The following PMS1 variants were observed in gnomAD, a reference collection of about 807,000 sequenced individuals.
PMS1 encodes PMS1 protein homolog 1.
In PMS1, 79 loss-of-function variants were observed where a neutral mutation model predicts 93.1. The observed-to-expected ratio is 0.85, with a 90% CI of 0.71 to 1.02. The LOEUF (loss-of-function observed/expected upper bound fraction) is 1.02. PMS1 is among the 50% of genes least tolerant of loss of function. The pLI, the probability that PMS1 is intolerant of heterozygous loss-of-function variation, is 0.00. For missense variants in PMS1, 1,064 were observed against 1,085.3 expected (o/e 0.98, Z 0.28); for synonymous variants, 335 against 363.4 (o/e 0.92, Z 0.89).
At chr2:189,818,686 T>G (rs2051542401) in intron 5 of PMS1, among the ~76,000 whole-genome samples, 1 of 152,242 alleles carries the variant, frequency 6.6e-6, no homozygotes, top group Admixed American at 6.5e-5. Context: ...ATTTGTTGCC[T>G]AATATCTATA....
rs774939385 is a variant in PMS1, at chr2:189,854,957, C to A, written c.1685C>A (p.Ala562Asp). 1.9e-6 allele frequency: 3 copies of A among 1,612,142 alleles called. No individual in the cohort carries two copies. In the South Asian group the frequency reaches 3.3e-5, roughly 18 times the overall value. Reference sequence around the variant, plus strand: ...GATAATAAATCTGGAAAAGTTACAGCTTATGATTTACTTAGCAATCGAGTA... The same window carrying A: ...GATAATAAATCTGGAAAAGTTACAGATTATGATTTACTTAGCAATCGAGTA... ...VIDNKSGKVT[A>D]YDLLSNRVIK... is the part of the protein sequence containing the mutation. Residue 562 changes from alanine (A) to aspartate (D), a missense_variant, in exon 9 of 13, where the codon GCT (alanine) becomes GAT (aspartate). By Grantham distance (126) the Ala-to-Asp change is moderately radical. Coordinates refer to ENST00000441310, the MANE Select transcript of PMS1 (RefSeq NM_000534.5).
chr2:189,795,545 C>T (rs529343710), intron 2 of PMS1, among the ~76,000 whole-genome samples: 133 of 152,234 alleles, frequency 8.7e-4, no homozygotes, highest in South Asian at 3.3e-3. Flanking sequence ...TCAGCCTAAC[C>T]TCCTTATTCA....
rs143804563 is a variant in PMS1, at chr2:189,815,221, C to G, written c.419-2796C>G. Among the ~76,000 whole-genome samples, 8 of 152,106 alleles carry G rather than the reference C, an allele frequency of 5.3e-5. No homozygotes were observed. In the South Asian group the frequency reaches 1.0e-3, roughly 20 times the overall value. ...AAACAATTCTGATGTCCTCTAGGAACAGAAGGAAGGACATCGGTAGGAGAG... is the reference window on the plus strand; with the variant it reads ...AAACAATTCTGATGTCCTCTAGGAAGAGAAGGAAGGACATCGGTAGGAGAG... On this transcript the variant is annotated intron_variant, in intron 4 of 12. Transcript: ENST00000441310.
intron 5 of PMS1, among the ~76,000 whole-genome samples, chr2:189,840,189 C>G (rs555924913): frequency 4.5e-4 from 68 of 152,104 alleles, no homozygotes; most frequent in African/African-American, 1.5e-3. Context: ...TCAGGCAGCC[C>G]CCAGAGCCAG....
chr2:189,825,108 A>G (rs1220421197), intron 5 of PMS1, among the ~76,000 whole-genome samples: 1 of 152,122 alleles, frequency 6.6e-6, no homozygotes, highest in Non-Finnish European at 1.5e-5. Flanking sequence ...CTTGGATTAG[A>G]TAGTGTTCTT....
chr2:189,788,055 G>C (rs555929838), intron 1 of PMS1, among the ~76,000 whole-genome samples: 2 of 151,344 alleles, frequency 1.3e-5, no homozygotes, highest in African/African-American at 4.9e-5. Context: ...CAATTATAGA[G>C]ATTTAAAAAA....
Position 189,848,759 on chromosome 2 carries a change from T to C in PMS1, c.700-3896T>C, listed in dbSNP as rs377241576. On this transcript the variant is annotated intron_variant, in intron 6 of 12. Coordinates refer to ENST00000441310, the MANE Select transcript of PMS1 (RefSeq NM_000534.5). ...ATCATCTAACCAAATCCCTCTTCTG[T>C]TATTGCACTGTGTGTCTAAGGTGTT... Among the ~76,000 whole-genome samples the C allele has an allele frequency of 1.6e-3, 237 of 152,298 alleles. 2 individuals carry two copies. In the Middle Eastern group the frequency reaches 0.034, roughly 22 times the overall value.
chr2:189,864,416 G>A, intron 10 of PMS1, 188 bp downstream of exon 10: 41 of 533,982 alleles, frequency 7.7e-5, no homozygotes, highest in Non-Finnish European at 1.3e-4. Context: ...CCAGCACTTT[G>A]GGAGGCCAAG....
chr2:189,818,056 C>G lies in PMS1; in HGVS notation c.458C>G (p.Pro153Arg), dbSNP rs977795053. 1 of 1,608,588 alleles carries G rather than the reference C, an allele frequency of 6.2e-7. No homozygotes were observed. Among genetic ancestry groups the G allele is most frequent in the Admixed American group, 1.7e-5 (1 of 59,918 alleles). Residue 153 changes from proline to arginine, a missense_variant, in exon 5 of 13, where the codon CCT becomes CGT. Pro to Arg is a moderately radical substitution (Grantham distance 103). Transcript: ENST00000441310. ...GCTTTAAGATTATTTAAGAATCTAC[C>G]TGTAAGAAAGCAGTTTTACTCAACT... ...VTALRLFKNLPVRKQFYSTAK... is the reference protein window; with the variant it reads ...VTALRLFKNLRVRKQFYSTAK...
At chr2:189,838,226 G>A (rs1387199163) in intron 5 of PMS1, among the ~76,000 whole-genome samples, 1 of 152,126 alleles carries the variant, frequency 6.6e-6, no homozygotes, top group East Asian at 1.9e-4. Flanking sequence ...CTTAGGTCAA[G>A]TAGTAGACAA....
In PMS1 at chr2:189,793,283, G is replaced by A. The variant is rs184715417; in HGVS notation, c.132+1342G>A. On this transcript the variant is annotated intron_variant, in intron 2 of 12. Coordinates refer to ENST00000441310, the MANE Select transcript of PMS1 (RefSeq NM_000534.5). ...GTTTGGGTGCATCAGAATAACTTAG[G>A]ATGTTTGTTAAAACTGTTACTGGGT... 8.5e-5 allele frequency among the ~76,000 whole-genome samples: 13 copies of A among 152,234 alleles called. No homozygotes were observed. The East Asian group carries it at 2.1e-3, about 25-fold the overall frequency.
intron 5 of PMS1, among the ~76,000 whole-genome samples, chr2:189,825,888 A>G (rs2052386067): frequency 6.6e-6 from 1 of 152,178 alleles, no homozygotes; most frequent in South Asian, 2.1e-4. Context: ...TGTGCTCTGT[A>G]AGAATGATGT....
chr2:189,809,785 T>C (rs1171392735), intron 4 of PMS1, among the ~76,000 whole-genome samples: 2 of 152,110 alleles, frequency 1.3e-5, no homozygotes, highest in African/African-American at 2.4e-5. Context: ...TGAGCCGAGA[T>C]TGTGCCATTG....
chr2:189,876,690 T>C (rs1575421053), intron 12 of PMS1, among the ~76,000 whole-genome samples: 2 of 151,960 alleles, frequency 1.3e-5, no homozygotes, highest in East Asian at 3.9e-4. Context: ...CTCACTGCAG[T>C]CTTGACCTTC....
intron 12 of PMS1, among the ~76,000 whole-genome samples, chr2:189,876,573 T>C (rs2057584541): frequency 6.6e-6 from 1 of 152,140 alleles, no homozygotes; most frequent in Non-Finnish European, 1.5e-5. Context: ...GAGATGCTTT[T>C]CTTTGCCCAT....
At chr2:189,814,305 A>C (rs889953847) in intron 4 of PMS1, among the ~76,000 whole-genome samples, 2 of 151,618 alleles carry the variant, frequency 1.3e-5, no homozygotes, top group Admixed American at 1.3e-4. Context: ...AAATAGAGGA[A>C]GACCCCCCCC....
chr2:189,860,888 C>CTGTTGCAA (rs1364217485), intron 9 of PMS1, among the ~76,000 whole-genome samples: 1 of 119,528 alleles, frequency 8.4e-6, no homozygotes, highest in Non-Finnish European at 1.6e-5. Flanking sequence ...GGAGTATATA[C>CTGTTGCAA]TGTTGCAACT....
chr2:189,867,399 T>C (rs1034507005), intron 10 of PMS1, among the ~76,000 whole-genome samples: 3 of 152,224 alleles, frequency 2.0e-5, no homozygotes, highest in Admixed American at 2.0e-4. Context: ...GATTACATGT[T>C]TATCTTTTTG....
intron 6 of PMS1, 22 bp from the exon 7 acceptor site, chr2:189,852,633 A>G: frequency 1.3e-6 from 2 of 1,599,676 alleles, no homozygotes; most frequent in Non-Finnish European, 1.7e-6. Flanking sequence ...TTGACATTGC[A>G]TATTCTGTAA....
Sources: allele counts gnomAD v4.1 joint callset (sites outside exome capture counted in the v4.1 genomes callset), GRCh38; gene constraint gnomAD v4.1.1; transcripts MANE v1.5; gene names NCBI Gene and HGNC (gene_info 2026-07-23, HGNC 2026-07-21).